Variants in ARHGAP10 observed in about 807,000 individuals in gnomAD.
ARHGAP10 encodes the protein Rho GTPase activating protein 10, also known as rho GTPase-activating protein 10.
ARHGAP10 carries 87 observed loss-of-function variants against 108.6 expected under a neutral mutation model. The ratio of observed to expected loss-of-function variants is 0.80; its 90% confidence interval spans 0.67 to 0.96. The LOEUF (loss-of-function observed/expected upper bound fraction) is 0.96. ARHGAP10 is among the 40% of genes least tolerant of loss of function. The pLI is 0.00. For synonymous variants in ARHGAP10, 347 were observed against 341.1 expected (o/e 1.02, Z -0.19); for missense variants, 939 against 954.5 (o/e 0.98, Z 0.21).
intron 1 of ARHGAP10, among the ~76,000 whole-genome samples, chr4:147,803,783 A>G (rs531667366): frequency 1.1e-4 from 16 of 152,172 alleles, no homozygotes; most frequent in Non-Finnish European, 1.9e-4. Context: ...CTGTGGCTGA[A>G]TAGTATTCCA....
At chr4:147,792,336 C>T (rs1731154653) in intron 1 of ARHGAP10, among the ~76,000 whole-genome samples, 1 of 152,122 alleles carries the variant, frequency 6.6e-6, no homozygotes, top group Admixed American at 6.5e-5. Flanking sequence ...CAGGCTTTTT[C>T]TTTTTGAGCT....
At chr4:147,991,170 G>C (rs1049455316) in intron 18 of ARHGAP10, among the ~76,000 whole-genome samples, 1 of 141,550 alleles carries the variant, frequency 7.1e-6, no homozygotes, top group African/African-American at 2.8e-5. Context: ...ATAAATAAAA[G>C]AAAACAAATA....
intron 13 of ARHGAP10, among the ~76,000 whole-genome samples, chr4:147,919,699 C>T (rs1737155825): frequency 6.6e-6 from 1 of 152,136 alleles, no homozygotes; most frequent in Non-Finnish European, 1.5e-5. Flanking sequence ...CTACCTCAGC[C>T]TCCTGAGTAG....
chr4:148,023,178 A>C (rs142244977), intron 18 of ARHGAP10, 85 bp from the exon 19 acceptor site: 8 of 1,499,026 alleles, frequency 5.3e-6, no homozygotes, highest in Middle Eastern at 1.8e-4. Flanking sequence ...ACTCCAAATC[A>C]AATGTTGTGG....
chr4:147,780,558 A>C (rs893607862), intron 1 of ARHGAP10, among the ~76,000 whole-genome samples: 13 of 14,598 alleles, frequency 8.9e-4, no homozygotes, highest in Non-Finnish European at 4.9e-3. Flanking sequence ...GAAGGAGACT[A>C]GGAAAAAAAG....
chr4:147,807,639 T>C (rs1182281897), intron 1 of ARHGAP10, among the ~76,000 whole-genome samples: 3 of 151,962 alleles, frequency 2.0e-5, no homozygotes, highest in Non-Finnish European at 4.4e-5. Context: ...AAGAGGAAAA[T>C]ATTTGAAACC....
intron 18 of ARHGAP10, 38 bp from the exon 19 acceptor site, chr4:148,023,225 A>G (rs1336704547): frequency 2.5e-6 from 4 of 1,608,360 alleles, no homozygotes; most frequent in Non-Finnish European, 2.6e-6. Flanking sequence ...GTTTCTGTTC[A>G]TGGTAAATAA....
chr4:147,951,265 C>A (rs780468805), intron 15 of ARHGAP10, among the ~76,000 whole-genome samples: 20 of 151,884 alleles, frequency 1.3e-4, no homozygotes, highest in Non-Finnish European at 2.5e-4. Flanking sequence ...TTTTTAGCAC[C>A]CTTTAACTTT....
chr4:148,011,777 A>G (rs549565501), intron 18 of ARHGAP10, among the ~76,000 whole-genome samples: 2 of 152,310 alleles, frequency 1.3e-5, no homozygotes, highest in East Asian at 1.9e-4. Context: ...TCTCTTTGGA[A>G]TTAACTGTAA....
chr4:148,026,482 TC>T (rs1170190255), intron 19 of ARHGAP10, among the ~76,000 whole-genome samples: 1 of 152,354 alleles, frequency 6.6e-6, no homozygotes, highest in African/African-American at 2.4e-5. Context: ...AGTAAAGACT[TC>T]CATCGGCATT....
rs537362654 is a variant in ARHGAP10, at chr4:147,756,998, G to A, written c.154+24543G>A. 3.3e-5 allele frequency among the ~76,000 whole-genome samples: 5 copies of A among 151,982 alleles called. No individual in the cohort carries two copies. In the South Asian group the frequency reaches 1.0e-3, roughly 32 times the overall value. ...CCTTGGTTGGTCTAGGCTGGTGGCA[G>A]TGCAGTTGCAGAGAGAGTGAGAGCG... On this transcript the variant is annotated intron_variant, in intron 1 of 22. Transcript: ENST00000336498.
At chr4:148,028,056 C>G (rs1044371511) in intron 19 of ARHGAP10, among the ~76,000 whole-genome samples, 1 of 152,106 alleles carries the variant, frequency 6.6e-6, no homozygotes, top group Non-Finnish European at 1.5e-5. Context: ...TTCTGTTTGT[C>G]ACTGCAGTGA....
chr4:148,044,604 G>A (rs1368510665), intron 19 of ARHGAP10, among the ~76,000 whole-genome samples: 1 of 152,192 alleles, frequency 6.6e-6, no homozygotes, highest in East Asian at 1.9e-4. Flanking sequence ...TCTGGACTCC[G>A]TTCTGGGGTT....
chr4:147,784,964 ATGAAATATGTTATATTT>A (rs1730820186), intron 1 of ARHGAP10, among the ~76,000 whole-genome samples: 1 of 134,268 alleles, frequency 7.4e-6, no homozygotes, highest in South Asian at 2.1e-4. Context: ...AAAATATATT[ATGAAATATGTTATATTT>A]TAAAATATAT....
intron 18 of ARHGAP10, 84 bp from the exon 19 acceptor site, chr4:148,023,179 A>G: frequency 6.7e-7 from 1 of 1,500,220 alleles, no homozygotes; most frequent in African/African-American, 1.4e-5. Context: ...CTCCAAATCA[A>G]ATGTTGTGGT....
chr4:147,816,514 C>G (rs1370606455), intron 1 of ARHGAP10, among the ~76,000 whole-genome samples: 1 of 152,214 alleles, frequency 6.6e-6, no homozygotes, highest in East Asian at 1.9e-4. Flanking sequence ...CCCAGGCAAG[C>G]TGGACTCAGA....
intron 1 of ARHGAP10, among the ~76,000 whole-genome samples, chr4:147,746,571 G>A (rs111784477): frequency 0.013 from 1,931 of 151,898 alleles, 37 homozygotes; most frequent in African/African-American, 0.043. Flanking sequence ...TGTATTTTTA[G>A]TAGAGACGGG....
intron 18 of ARHGAP10, among the ~76,000 whole-genome samples, chr4:148,019,435 T>C (rs1163001085): frequency 6.6e-6 from 1 of 152,056 alleles, no homozygotes; most frequent in Non-Finnish European, 1.5e-5. Flanking sequence ...CATGAGAAAA[T>C]GAGATACACT....
chr4:147,770,211 T>C (rs746504265), intron 1 of ARHGAP10, among the ~76,000 whole-genome samples: 1 of 152,252 alleles, frequency 6.6e-6, no homozygotes. Context: ...GCTGATACAG[T>C]AGTATTTGTC....
Sources: gnomAD v4.1 joint callset for allele counts (sites outside exome capture counted in the v4.1 genomes callset) on GRCh38, gnomAD v4.1.1 for gene constraint, MANE v1.5 for transcripts, NCBI Gene and HGNC (gene_info 2026-07-23, HGNC 2026-07-21) for gene names.